Variants in SRFBP1 observed in about 807,000 individuals in gnomAD.
SRFBP1 encodes the protein serum response factor-binding protein 1.
SRFBP1 carries 47 observed loss-of-function variants against 45.5 expected under a neutral mutation model. The observed-to-expected ratio is 1.03, with a 90% CI of 0.82 to 1.32. SRFBP1 has a LOEUF of 1.32. Among genes scored for constraint, SRFBP1 ranks in the 40% most tolerant of loss-of-function variants. The pLI is 0.00. For missense variants in SRFBP1, 621 were observed against 484.6 expected, an observed-to-expected ratio of 1.28 and a Z score of -2.64; for synonymous variants, 203 against 166.3, an observed-to-expected ratio of 1.22 and a Z score of -1.70.
chr5:121,985,374 G>A (rs993803996), intron 3 of SRFBP1, among the ~76,000 whole-genome samples: 1 of 151,240 alleles, frequency 6.6e-6, no homozygotes, highest in African/African-American at 2.4e-5. Context: ...AGTATGTGTA[G>A]AATCAAGAAA....
chr5:121,966,858 A>C (rs1752080703), intron 1 of SRFBP1, among the ~76,000 whole-genome samples: 1 of 150,794 alleles, frequency 6.6e-6, no homozygotes, highest in African/African-American at 2.4e-5. Context: ...TGGCTCACTG[A>C]AAGCTCCACC....
intron 2 of SRFBP1, chr5:122,069,997 G>A (rs1420092722): frequency 8.1e-7 from 1 of 1,231,412 alleles, no homozygotes; most frequent in East Asian, 2.3e-5. Flanking sequence ...ATAATGTTTG[G>A]CATGAACAAA....
chr5:121,989,087 C>T (rs921525443), intron 3 of SRFBP1, among the ~76,000 whole-genome samples: 46 of 151,722 alleles, frequency 3.0e-4, no homozygotes, highest in African/African-American at 1.1e-3. Flanking sequence ...TTGTTTGAGC[C>T]GGAGTCTAGC....
At chr5:122,034,163 C>G (rs780971353) in intron 2 of SRFBP1, among the ~76,000 whole-genome samples, 3 of 152,134 alleles carry the variant, frequency 2.0e-5, no homozygotes, top group Non-Finnish European at 4.4e-5. Context: ...AGGTGTTTCT[C>G]TTGAATAGAG....
chr5:121,990,276 A>G (rs1295268099), intron 3 of SRFBP1, among the ~76,000 whole-genome samples: 1 of 152,176 alleles, frequency 6.6e-6, no homozygotes, highest in African/African-American at 2.4e-5. Context: ...TTGCAGCAAC[A>G]TGGTTGGAGC....
chr5:121,997,940 G>A (rs1752767020), intron 4 of SRFBP1, among the ~76,000 whole-genome samples: 1 of 150,414 alleles, frequency 6.6e-6, no homozygotes, highest in Non-Finnish European at 1.5e-5. Context: ...GGCCATCAGA[G>A]AAATGCAAAT....
intron 4 of SRFBP1, among the ~76,000 whole-genome samples, chr5:122,017,884 T>A (rs1484130917): frequency 6.6e-6 from 1 of 152,262 alleles, no homozygotes; most frequent in Non-Finnish European, 1.5e-5. Context: ...ATTCACTTGC[T>A]TTATTAAATG....
intron 2 of SRFBP1, among the ~76,000 whole-genome samples, chr5:122,071,681 A>G: frequency 6.6e-6 from 1 of 152,220 alleles, no homozygotes; most frequent in East Asian, 1.9e-4. Flanking sequence ...TTATTCTAAT[A>G]GTAATTTAAA....
At chr5:122,000,565 C>T (rs148264154) in intron 4 of SRFBP1, among the ~76,000 whole-genome samples, 3 of 151,934 alleles carry the variant, frequency 2.0e-5, no homozygotes, top group Admixed American at 2.0e-4. Flanking sequence ...GTATAGAATT[C>T]TGTGTTGATA....
intron 3 of SRFBP1, among the ~76,000 whole-genome samples, chr5:121,986,031 G>A (rs1162874154): frequency 6.6e-6 from 1 of 151,890 alleles, no homozygotes; most frequent in African/African-American, 2.4e-5. Flanking sequence ...TTAAAATAAT[G>A]AAACTGGATG....
At chr5:122,001,559 T>C (rs1436964365) in intron 4 of SRFBP1, among the ~76,000 whole-genome samples, 7 of 138,046 alleles carry the variant, frequency 5.1e-5, no homozygotes, top group Non-Finnish European at 1.1e-4. Flanking sequence ...TTTTTTTTTT[T>C]TTTTTTTTTT....
intron 2 of SRFBP1, among the ~76,000 whole-genome samples, chr5:122,044,999 A>G (rs556307207): frequency 1.3e-5 from 2 of 152,206 alleles, no homozygotes; most frequent in South Asian, 4.1e-4. Context: ...TAGTTTTTAC[A>G]TTTAAGTCTT....
intron 2 of SRFBP1, among the ~76,000 whole-genome samples, chr5:122,051,601 T>C (rs1753982280): frequency 6.6e-6 from 1 of 152,126 alleles, no homozygotes; most frequent in African/African-American, 2.4e-5. Flanking sequence ...CTGTTTTCCA[T>C]TTACTTGGTA....
At chr5:121,995,866 CAG>C (rs1289142416) in intron 4 of SRFBP1, among the ~76,000 whole-genome samples, 1 of 152,016 alleles carries the variant, frequency 6.6e-6, no homozygotes, top group Non-Finnish European at 1.5e-5. Flanking sequence ...AAACTACCAT[CAG>C]AGAATACTAC....
intron 2 of SRFBP1, among the ~76,000 whole-genome samples, chr5:122,060,129 C>T (rs542627771): frequency 1.6e-4 from 24 of 152,018 alleles, no homozygotes; most frequent in Admixed American, 3.9e-4. Flanking sequence ...GATCTGCAAA[C>T]GGGGAGGAAA....
chr5:122,019,715 G>A (rs150470853), intron 5 of SRFBP1, among the ~76,000 whole-genome samples: 3,531 of 150,962 alleles, frequency 0.023, 137 homozygotes, highest in African/African-American at 0.081. Context: ...AAATTTTTTT[G>A]TCACATGATA....
At chr5:122,047,274 G>T (rs1344455853) in intron 2 of SRFBP1, among the ~76,000 whole-genome samples, 1 of 152,174 alleles carries the variant, frequency 6.6e-6, no homozygotes, top group Non-Finnish European at 1.5e-5. Flanking sequence ...TGTCTAGCCA[G>T]TTTTCCCAGC....
At chr5:121,976,259 C>G (rs956092619) in intron 3 of SRFBP1, among the ~76,000 whole-genome samples, 23 of 151,958 alleles carry the variant, frequency 1.5e-4, no homozygotes, top group African/African-American at 5.6e-4. Flanking sequence ...GGAAACGACT[C>G]TTTGATATGA....
chr5:121,994,773 T>C (rs1007201299), intron 4 of SRFBP1, 103 bp downstream of exon 4: 29 of 709,058 alleles, frequency 4.1e-5, no homozygotes, highest in Non-Finnish European at 5.8e-5. Context: ...TGCTATTAGT[T>C]TGTAATTAGT....
Sources: allele counts gnomAD v4.1 joint callset (sites outside exome capture counted in the v4.1 genomes callset), GRCh38; gene constraint gnomAD v4.1.1; transcripts MANE v1.5; gene names NCBI Gene and HGNC (gene_info 2026-07-23, HGNC 2026-07-21).